ARFGAP1: variants seen among roughly 807,000 people sequenced by gnomAD.
The protein encoded by ARFGAP1 is ADP-ribosylation factor GTPase-activating protein 1.
Under a neutral mutation model 54.0 loss-of-function variants are expected in ARFGAP1, and 26 were observed. The observed-to-expected ratio is 0.48, with a 90% confidence interval of 0.35 to 0.67. The LOEUF (loss-of-function observed/expected upper bound fraction) is 0.67, where lower values mean the gene tolerates loss of function less well. Ranked by LOEUF, ARFGAP1 falls within the 30% of genes least tolerant of loss-of-function variation. ARFGAP1 has a pLI of 0.00. For synonymous variants in ARFGAP1, 248 were observed against 211.9 expected (o/e 1.17, Z -1.48); for missense variants, 525 against 535.8 (o/e 0.98, Z 0.20).
intron 11 of ARFGAP1, chr20:63,286,106 C>T (rs1373029407): frequency 5.2e-6 from 8 of 1,550,240 alleles, no homozygotes; most frequent in Admixed American, 3.9e-5. Context: ...GGCCTCGCTC[C>T]TCCCCCCCAA....
chr20:63,276,456 T>A lies in ARFGAP1; in HGVS notation c.171-24T>A, dbSNP rs772567947. The stretch of plus-strand genomic sequence containing the variant: ...CCTGGGTGTCCCCGGTGCTGGTTGA[T>A]CTGCTCGATCCTCTGCTTTCCAGCT... On this transcript the variant is annotated intron_variant, in intron 3 of 12. Coordinates refer to ENST00000370283, the MANE Select transcript of ARFGAP1 (RefSeq NM_018209.4). The surrounding 1 kb of genome is among the most constrained non-coding windows in gnomAD (Gnocchi z 5.2). 6.3e-7 allele frequency: 1 copy of A among 1,597,470 alleles called. No individual in the cohort carries two copies. Among genetic ancestry groups the A allele is most frequent in the African/African-American group, 1.3e-5 (1 of 74,822 alleles).
rs745867608 is a variant in ARFGAP1, at chr20:63,282,867, C to T, written c.717+16C>T. The T allele has an allele frequency of 1.9e-6, 3 of 1,613,818 alleles. No individual in the cohort carries two copies. In the African/African-American group the frequency reaches 4.0e-5, roughly 22 times the overall value. On this transcript the variant is annotated intron_variant, in intron 9 of 12. Transcript: ENST00000370283. Reference sequence around the variant, plus strand: ...GAGTCAGAAGGTAACAGAGGAGAAGCTTCTGCACCCTGGTGCATCTGAAAC... The same window carrying T: ...GAGTCAGAAGGTAACAGAGGAGAAGTTTCTGCACCCTGGTGCATCTGAAAC...
Position 63,276,009 on chromosome 20 carries a change from C to G in ARFGAP1, c.61-82C>G. 1 of 1,350,480 alleles carries G rather than the reference C, an allele frequency of 7.4e-7. No homozygotes were observed. The highest frequency in any genetic ancestry group is 1.1e-6 in the Non-Finnish European group (1 of 945,820). The allele number at this position is 1,350,480 out of a possible 1,614,324, so 83.7% of individuals were successfully genotyped here. On this transcript the variant is annotated intron_variant, in intron 2 of 12. Coordinates refer to ENST00000370283, the MANE Select transcript of ARFGAP1 (RefSeq NM_018209.4). This position sits in a 1 kb window ranked among gnomAD's most constrained non-coding sequence, Gnocchi z 5.2. Reference sequence around the variant, plus strand: ...CCCTGGGCAGCCCTCTGCATTCGCTCCTTGAGGCCACCTGTCGGGTCTTTG... The same window carrying G: ...CCCTGGGCAGCCCTCTGCATTCGCTGCTTGAGGCCACCTGTCGGGTCTTTG...
At chr20:63,283,804 C>CCCTCACCTTGCTCTCT (rs754152555) in intron 9 of ARFGAP1, 7 of 1,610,112 alleles carry the variant, frequency 4.3e-6, no homozygotes, top group African/African-American at 4.0e-5. Flanking sequence ...CTAATGCCGC[C>CCCTCACCTTGCTCTCT]CCTCACCTTG....
Position 63,286,431 on chromosome 20 carries a change from C to T in ARFGAP1, c.900C>T (p.Gly300=), listed in dbSNP as rs376552753. The T allele has an allele frequency of 3.9e-5, 63 of 1,613,284 alleles. No homozygotes were observed. Among genetic ancestry groups the T allele is most frequent in the Admixed American group, 8.3e-5 (5 of 59,988 alleles). Residue 300 remains glycine, a synonymous_variant, in exon 12 of 13, where the codon GGC becomes GGT. Coordinates refer to ENST00000370283, the MANE Select transcript of ARFGAP1 (RefSeq NM_018209.4). ...VTTFFSGKAE[G]PLDSPSEGHS... ...CCTTTTTTTCGGGGAAAGCAGAGGG[C>T]CCCTTGGACAGGTATGCTGTGTCCC...
At chr20:63,283,931 T>C in intron 9 of ARFGAP1, 1 of 1,609,766 alleles carries the variant, frequency 6.2e-7, no homozygotes, top group Non-Finnish European at 8.5e-7. Flanking sequence ...GCCGAGAATG[T>C]GCTTGGCTTC....
chr20:63,284,364 T>C, intron 9 of ARFGAP1: 1 of 1,058,878 alleles, frequency 9.4e-7, no homozygotes, highest in Non-Finnish European at 1.1e-6. Flanking sequence ...CATCCCCAGG[T>C]GGCCGTGTGG....
At position 63,281,271 on chromosome 20, in the gene ARFGAP1, C is replaced by A; in HGVS notation, c.628-20C>A. ...CTGGGTCCCAGTCCTGATGTGGCTGCTCTTTGTCGCCTCCCTCAGGGCTGG... is the reference window on the plus strand; with the variant it reads ...CTGGGTCCCAGTCCTGATGTGGCTGATCTTTGTCGCCTCCCTCAGGGCTGG... On this transcript the variant is annotated intron_variant, in intron 7 of 12. Transcript: ENST00000370283. 1 of 1,590,378 alleles carries A rather than the reference C, an allele frequency of 6.3e-7. No homozygotes were observed. The highest frequency in any genetic ancestry group is 8.5e-7 in the Non-Finnish European group (1 of 1,170,462).
chr20:63,283,048 C>G (rs762860033), intron 9 of ARFGAP1, 197 bp downstream of exon 9: 39 of 602,708 alleles, frequency 6.5e-5, no homozygotes, highest in Non-Finnish European at 1.1e-4. Context: ...TGGACCCACT[C>G]AGGGCCTGCA....
In ARFGAP1 at chr20:63,276,362, C is replaced by A; in HGVS notation, c.171-118C>A. 1 of 1,413,978 alleles carries A rather than the reference C, an allele frequency of 7.1e-7. No individual in the cohort carries two copies. The highest frequency in any genetic ancestry group is 1.3e-5 in the South Asian group (1 of 77,034). 87.6% of individuals were successfully genotyped at this position (1,413,978 alleles called of 1,614,324 possible). On this transcript the variant is annotated intron_variant, in intron 3 of 12. Transcript: ENST00000370283. This position sits in a 1 kb window ranked among gnomAD's most constrained non-coding sequence, Gnocchi z 5.2. Reference sequence around the variant, plus strand: ...CATGGCACAGAGTTCCAGCTGCTGGCCACTCAGCCTCCCTGCGGCTGCTGC... The same window carrying A: ...CATGGCACAGAGTTCCAGCTGCTGGACACTCAGCCTCCCTGCGGCTGCTGC...
At chr20:63,283,875 G>C (rs753253943) in intron 9 of ARFGAP1, 1 of 1,613,706 alleles carries the variant, frequency 6.2e-7, no homozygotes, top group African/African-American at 1.3e-5. Context: ...GCAGCAGCCG[G>C]AGCCGGTAAA....
chr20:63,282,013 G>C (rs1262818698), intron 8 of ARFGAP1, among the ~76,000 whole-genome samples: 1 of 152,022 alleles, frequency 6.6e-6, no homozygotes, highest in Admixed American at 6.5e-5. Context: ...ATGTCCCCGT[G>C]GTCACCCTGG....
chr20:63,275,871 A>G (rs1432437774), intron 2 of ARFGAP1, among the ~76,000 whole-genome samples: 2 of 152,016 alleles, frequency 1.3e-5, no homozygotes, highest in African/African-American at 2.4e-5. Context: ...GCGCCTCCAC[A>G]TTTCTCAGGT....
chr20:63,284,532 A>T, intron 9 of ARFGAP1: 1 of 1,190,478 alleles, frequency 8.4e-7, no homozygotes, highest in Non-Finnish European at 1.1e-6. Flanking sequence ...GGGTGGCTGC[A>T]GCCGGCGTTG....
intron 6 of ARFGAP1, chr20:63,278,506 GC>G (rs2123237396): frequency 2.1e-6 from 1 of 467,662 alleles, no homozygotes. Context: ...ACCCCCAGCT[GC>G]CCAGGTGTGA....
chr20:63,288,863 C>G lies in ARFGAP1; in HGVS notation c.*990C>G. ...CTGTGTGACCCTCAGTCTTGGCCAGCCATGCATGCGCCCGAAGCTCGTGCA... is the reference window on the plus strand; with the variant it reads ...CTGTGTGACCCTCAGTCTTGGCCAGGCATGCATGCGCCCGAAGCTCGTGCA... On this transcript the variant is annotated 3_prime_UTR_variant, in exon 13 of 13. Transcript: ENST00000370283. 1 of 279,926 alleles carries G rather than the reference C, an allele frequency of 3.6e-6. No homozygotes were observed. The highest frequency in any genetic ancestry group is 3.7e-5 in the South Asian group (1 of 27,262). 17.3% of individuals were successfully genotyped at this position (279,926 alleles called of 1,614,324 possible).
Position 63,281,389 on chromosome 20 carries a change from C to T in ARFGAP1, c.684+42C>T, listed in dbSNP as rs200990873. 6.1e-4 allele frequency: 950 copies of T among 1,562,452 alleles called. 3 individuals are homozygous for T. Among genetic ancestry groups the T allele is most frequent in the Non-Finnish European group, 3.6e-4 (418 of 1,158,330 alleles). On this transcript the variant is annotated intron_variant, in intron 8 of 12. Coordinates refer to ENST00000370283, the MANE Select transcript of ARFGAP1 (RefSeq NM_018209.4). ...GCCATGCCACCGTCCCCACCAGGCC[C>T]TCGGGACACTGGCTGCTGCTGGCCT...
chr20:63,276,782 C>A lies in ARFGAP1; in HGVS notation c.342+131C>A. Reference sequence around the variant, plus strand: ...GTTCTGACACACCCACTGGGCCACACACAACTTGCCGCCCTGGAGCAGAGG... The same window carrying A: ...GTTCTGACACACCCACTGGGCCACAAACAACTTGCCGCCCTGGAGCAGAGG... On this transcript the variant is annotated intron_variant, in intron 4 of 12. Coordinates refer to ENST00000370283, the MANE Select transcript of ARFGAP1 (RefSeq NM_018209.4). This position sits in a 1 kb window ranked among gnomAD's most constrained non-coding sequence, Gnocchi z 5.2. 9.1e-7 allele frequency: 1 copy of A among 1,097,000 alleles called. No homozygotes were observed. The highest frequency in any genetic ancestry group is 1.3e-6 in the Non-Finnish European group (1 of 788,354). 68.0% of individuals were successfully genotyped at this position (1,097,000 alleles called of 1,614,324 possible). A position where few individuals can be genotyped will look rare whatever the true frequency, so the allele number is the denominator to read the frequency against.
At chr20:63,273,404 CT>C (rs2067153507) in intron 1 of ARFGAP1, 1 of 152,222 alleles carries the variant, frequency 6.6e-6, no homozygotes, top group Admixed American at 6.5e-5. Flanking sequence ...CTTCCACCCC[CT>C]AAGAAGTGAG....
Sources: allele counts gnomAD v4.1 joint callset (sites outside exome capture counted in the v4.1 genomes callset), GRCh38; gene constraint gnomAD v4.1.1; non-coding constraint Gnocchi (gnomAD v3.1); transcripts MANE v1.5; gene names NCBI Gene and HGNC (gene_info 2026-07-23, HGNC 2026-07-21).